TACC2: variants seen among roughly 807,000 people sequenced by gnomAD.
The protein encoded by TACC2 is transforming acidic coiled-coil containing protein 2.
A neutral mutation model predicts 227.3 loss-of-function variants in TACC2; 137 were observed. The ratio of observed to expected loss-of-function variants is 0.60; its 90% CI spans 0.52 to 0.69. TACC2 has a LOEUF of 0.69. Ranked by LOEUF, TACC2 falls within the 30% of genes least tolerant of loss-of-function variation. TACC2 has a pLI of 0.00. For synonymous variants in TACC2, 1,523 were observed against 1,487.5 expected (o/e 1.02, Z -0.55); for missense variants, 3,470 against 3,694.4 (o/e 0.94, Z 1.57).
At position 122,043,481 on chromosome 10, in the gene TACC2, CT is replaced by C. The variant is rs1565144746; in HGVS notation, c.34-6954del. Among the ~76,000 whole-genome samples, 4 of 136,088 alleles carry C rather than the reference CT, an allele frequency of 2.9e-5. No individual in the cohort carries two copies. In the Admixed American group the frequency reaches 3.0e-4, roughly 10 times the overall value. 89.3% of individuals were successfully genotyped at this position (136,088 alleles called of 152,430 possible). A position where few individuals can be genotyped will look rare whatever the true frequency, so the allele number is the denominator to read the frequency against. ...TTTCTCTTTCTTTCTTTCTTTTTCT[CT>C]TTCTTTTTCTTTCTTTCTTTTTCTC... On this transcript the variant is annotated intron_variant, in intron 2 of 22. Coordinates refer to ENST00000369005, the MANE Select transcript of TACC2 (RefSeq NM_206862.4).
Position 122,134,138 on chromosome 10 carries a change from C to T in TACC2, c.5699+1404C>T, listed in dbSNP as rs570622483. 3.3e-5 allele frequency among the ~76,000 whole-genome samples: 5 copies of T among 151,184 alleles called. No individual in the cohort carries two copies. In the East Asian group the frequency reaches 7.8e-4, roughly 23 times the overall value. ...CCATGCAATGATGTGGAAATTTAGACGTTCCTTTTATAGGTGGGAGTCAGC... is the reference window on the plus strand; with the variant it reads ...CCATGCAATGATGTGGAAATTTAGATGTTCCTTTTATAGGTGGGAGTCAGC... On this transcript the variant is annotated intron_variant, in intron 6 of 22. Transcript: ENST00000369005.
At chr10:122,098,324 G>T (rs1446060509) in intron 5 of TACC2, among the ~76,000 whole-genome samples, 1 of 152,160 alleles carries the variant, frequency 6.6e-6, no homozygotes, top group Non-Finnish European at 1.5e-5. Context: ...GATTTGCAGG[G>T]CATGGCTCTT....
Position 122,015,247 on chromosome 10 carries a change from G to A in TACC2, c.-45-6690G>A, listed in dbSNP as rs141426361. ...TGGCCCGGCACGGTGGCTCATGCTT[G>A]TAATCCCAGCACTTTAGGAGGCCGA... On this transcript the variant is annotated intron_variant, in intron 1 of 22. Coordinates refer to ENST00000369005, the MANE Select transcript of TACC2 (RefSeq NM_206862.4). Among the ~76,000 whole-genome samples, 445 of 152,236 alleles carry A rather than the reference G, an allele frequency of 2.9e-3. 2 individuals carry two copies. Among genetic ancestry groups the A allele is most frequent in the African/African-American group, 0.01 (417 of 41,548 alleles).
intron 21 of TACC2, among the ~76,000 whole-genome samples, 193 bp from the exon 22 acceptor site, chr10:122,249,351 C>T (rs1365467919): frequency 2.0e-5 from 3 of 152,210 alleles, no homozygotes; most frequent in African/African-American, 7.2e-5. Flanking sequence ...GTTGCAATGT[C>T]CAGGGTGCCC....
intron 2 of TACC2, among the ~76,000 whole-genome samples, chr10:122,034,128 G>A (rs1355434076): frequency 6.9e-6 from 1 of 144,114 alleles, no homozygotes; most frequent in African/African-American, 2.6e-5. Flanking sequence ...CTCCAGCCTG[G>A]GTGACAGAGT....
intron 1 of TACC2, among the ~76,000 whole-genome samples, chr10:122,017,336 G>T (rs1956786270): frequency 6.6e-6 from 1 of 152,058 alleles, no homozygotes; most frequent in Admixed American, 6.6e-5. Flanking sequence ...GAAGTCCCCT[G>T]TGCCGCCGCC....
At chr10:122,103,338 T>C (rs1205439295) in intron 5 of TACC2, among the ~76,000 whole-genome samples, 2 of 152,096 alleles carry the variant, frequency 1.3e-5, no homozygotes, top group East Asian at 3.9e-4. Flanking sequence ...GGCCTCCGGG[T>C]GAGTTCACCA....
chr10:122,115,963 C>G (rs1036586776), intron 5 of TACC2, among the ~76,000 whole-genome samples: 1 of 152,088 alleles, frequency 6.6e-6, no homozygotes, highest in Non-Finnish European at 1.5e-5. Context: ...TCATTTATCC[C>G]CTTGTGACCA....
chr10:122,028,251 G>C (rs1009725425), intron 2 of TACC2, among the ~76,000 whole-genome samples: 1 of 151,404 alleles, frequency 6.6e-6, no homozygotes, highest in South Asian at 2.1e-4. Context: ...CACCATGCCC[G>C]GCTAATTTTT....
intron 6 of TACC2, among the ~76,000 whole-genome samples, chr10:122,133,005 C>CT (rs755080612): frequency 6.6e-6 from 1 of 152,128 alleles, no homozygotes; most frequent in Non-Finnish European, 1.5e-5. Context: ...ATTTTACAGA[C>CT]TTTTTTCCTA....
At chr10:122,112,749 ACT>A (rs2083838425) in intron 5 of TACC2, among the ~76,000 whole-genome samples, 2 of 152,126 alleles carry the variant, frequency 1.3e-5, no homozygotes, top group East Asian at 1.9e-4. Context: ...AGTTGTCATG[ACT>A]CAGAGACTCC....
intron 7 of TACC2, among the ~76,000 whole-genome samples, chr10:122,174,077 C>T (rs756791947): frequency 3.9e-5 from 6 of 152,210 alleles, no homozygotes; most frequent in Non-Finnish European, 8.8e-5. Context: ...CCACAGGGCT[C>T]GGTGGACTGT....
At chr10:122,252,103 G>A (rs2096264995) in intron 22 of TACC2, among the ~76,000 whole-genome samples, 1 of 152,222 alleles carries the variant, frequency 6.6e-6, no homozygotes, top group African/African-American at 2.4e-5. Flanking sequence ...CGCCAAGAGA[G>A]AGCTTGGAAA....
chr10:122,204,116 C>T (rs1409653560), intron 8 of TACC2, among the ~76,000 whole-genome samples: 1 of 146,750 alleles, frequency 6.8e-6, no homozygotes, highest in Non-Finnish European at 1.5e-5. Flanking sequence ...CAGTACAGTC[C>T]AGCTTCGGCT....
At chr10:122,111,769 T>C (rs1281378916) in intron 5 of TACC2, among the ~76,000 whole-genome samples, 1 of 152,102 alleles carries the variant, frequency 6.6e-6, no homozygotes, top group Non-Finnish European at 1.5e-5. Flanking sequence ...GCTGGGATTA[T>C]AGGGCACAAG....
At position 122,083,319 on chromosome 10, in the gene TACC2, C is replaced by T; in HGVS notation, c.819C>T (p.Pro273=). ...TCTTGGAGAAGTCCCCCCTAAAACCCATGGCCCCGATCCCACAAGATCCAG... is the reference window on the plus strand; with the variant it reads ...TCTTGGAGAAGTCCCCCCTAAAACCTATGGCCCCGATCCCACAAGATCCAG... ...SAVLEKSPLK[P]MAPIPQDPAP... The change falls in exon 4 of 23, where the codon CCC becomes CCT. Residue 273 remains proline (P), a synonymous_variant. Coordinates refer to ENST00000369005, the MANE Select transcript of TACC2 (RefSeq NM_206862.4). The T allele has an allele frequency of 6.2e-7, 1 of 1,614,048 alleles. No individual in the cohort carries two copies. The highest frequency in any genetic ancestry group is 8.5e-7 in the Non-Finnish European group (1 of 1,180,030).
At chr10:122,224,856 C>A in intron 12 of TACC2, 69 bp downstream of exon 12, 1 of 1,300,952 alleles carries the variant, frequency 7.7e-7, no homozygotes, top group Non-Finnish European at 1.1e-6. Context: ...CTCCCCTGTG[C>A]AGAGTGTCTC....
At chr10:122,119,967 G>A (rs2085415103) in intron 5 of TACC2, among the ~76,000 whole-genome samples, 1 of 151,998 alleles carries the variant, frequency 6.6e-6, no homozygotes, top group East Asian at 1.9e-4. Context: ...AACATTGGCT[G>A]CCGGCTCCCT....
intron 18 of TACC2, among the ~76,000 whole-genome samples, chr10:122,238,755 A>C (rs1467807229): frequency 6.6e-6 from 1 of 150,964 alleles, no homozygotes; most frequent in Non-Finnish European, 1.5e-5. Flanking sequence ...CTGACCCACC[A>C]CTCTTTTTAA....
Sources: gnomAD v4.1 joint callset for allele counts (sites outside exome capture counted in the v4.1 genomes callset) on GRCh38, gnomAD v4.1.1 for gene constraint, MANE v1.5 for transcripts, NCBI Gene and HGNC (gene_info 2026-07-23, HGNC 2026-07-21) for gene names.